The following LRRC17 variants were observed in gnomAD, a reference collection of about 807,000 sequenced individuals.
LRRC17 encodes leucine-rich repeat-containing protein 17.
A neutral mutation model predicts 41.5 loss-of-function variants in LRRC17; 33 were observed. That is an observed-to-expected ratio of 0.80 (90% CI 0.60 to 1.06). The LOEUF is 1.06. Among genes scored for constraint, LRRC17 ranks in the 50% least tolerant of loss-of-function variants. The probability of loss-of-function intolerance (pLI) is 0.00; values close to 1 mark genes in which losing one functional copy is unlikely to be tolerated. For synonymous variants in LRRC17, 192 were observed against 197.0 expected (o/e 0.97, Z 0.21); for missense variants, 491 against 519.3 (o/e 0.95, Z 0.53).
Position 102,934,512 on chromosome 7 carries a change from A to G in LRRC17, c.599A>G (p.Asn200Ser), listed in dbSNP as rs764309009. The change falls in exon 2 of 4, where the codon AAT becomes AGT. Residue 200 changes from asparagine (N) to serine (S), a missense_variant. Asn to Ser is a conservative substitution (Grantham distance 46). Coordinates refer to ENST00000339431, the MANE Select transcript of LRRC17 (RefSeq NM_001031692.3). ...TGTGAAAGTCCACAAGAACAAAAAA[A>G]TAAAAAACTGCGGCAGATAAAATCT... ...AKCESPQEQK[N>S]KKLRQIKSEQ... is the part of the protein sequence containing the mutation. 1.6e-5 allele frequency: 26 copies of G among 1,612,598 alleles called. No homozygotes were observed. Among genetic ancestry groups the G allele is most frequent in the Non-Finnish European group, 2.1e-5 (25 of 1,179,774 alleles).
rs762442584 is a variant in LRRC17, at chr7:102,942,312, A to G, written c.929-1898A>G. On this transcript the variant is annotated intron_variant, in intron 3 of 3. Coordinates refer to ENST00000339431, the MANE Select transcript of LRRC17 (RefSeq NM_001031692.3). ...CAGGGTCTTTGAGATGAAACCCTGCAAGTAGACTTACGTGAATGATTTTTG... is the reference window on the plus strand; with the variant it reads ...CAGGGTCTTTGAGATGAAACCCTGCGAGTAGACTTACGTGAATGATTTTTG... 6.3e-6 allele frequency: 10 copies of G among 1,598,084 alleles called. No homozygotes were observed. In the East Asian group the frequency reaches 2.3e-4, roughly 37 times the overall value.
rs754430548 is a variant in LRRC17, at chr7:102,944,806, G to A, written c.*199G>A. The A allele has an allele frequency of 1.4e-5, 7 of 511,856 alleles. No homozygotes were observed. The highest frequency in any genetic ancestry group is 2.0e-5 in the African/African-American group (1 of 50,970). 31.7% of individuals were successfully genotyped at this position (511,856 alleles called of 1,614,324 possible). Reference sequence around the variant, plus strand: ...TCATCCTGCTTGCCTGTCCATTTGTGGAACAGCATCTGGTGATATGCAATT... The same window carrying A: ...TCATCCTGCTTGCCTGTCCATTTGTAGAACAGCATCTGGTGATATGCAATT... On this transcript the variant is annotated 3_prime_UTR_variant, in exon 4 of 4. Coordinates refer to ENST00000339431, the MANE Select transcript of LRRC17 (RefSeq NM_001031692.3).
chr7:102,928,361 C>G (rs1376592982), intron 1 of LRRC17, among the ~76,000 whole-genome samples: 1 of 152,210 alleles, frequency 6.6e-6, no homozygotes, highest in African/African-American at 2.4e-5. Flanking sequence ...AATTTGTCCA[C>G]AATGTACTCA....
chr7:102,924,130 T>C (rs537713265), intron 1 of LRRC17, among the ~76,000 whole-genome samples: 2 of 148,360 alleles, frequency 1.3e-5, no homozygotes, highest in Non-Finnish European at 3.0e-5. Flanking sequence ...CCCAGCTACT[T>C]GGGAGGCTGA....
intron 3 of LRRC17, among the ~76,000 whole-genome samples, chr7:102,939,878 A>G (rs1222696462): frequency 6.6e-6 from 1 of 152,000 alleles, no homozygotes. Context: ...GGTCAATAGT[A>G]TACTAAAATG....
chr7:102,944,567 C>G lies in LRRC17; in HGVS notation c.1286C>G (p.Thr429Ser). ...TGGGAAAAAAAACATAGAGATCACA[C>G]CGCAAAGAAGCAAAGCGTAATAATT... is the stretch of plus-strand genomic sequence containing the variant. ...DEWEKKHRDH[T>S]AKKQSVIITI... The change falls in exon 4 of 4, where the codon ACC becomes AGC. Residue 429 changes from threonine (T) to serine (S), a missense_variant. Coordinates refer to ENST00000339431, the MANE Select transcript of LRRC17 (RefSeq NM_001031692.3). 1.2e-6 allele frequency: 2 copies of G among 1,611,378 alleles called. No homozygotes were observed. Among genetic ancestry groups the G allele is most frequent in the Non-Finnish European group, 1.7e-6 (2 of 1,179,342 alleles).
At chr7:102,942,116 T>C (rs1456559668) in intron 3 of LRRC17, among the ~76,000 whole-genome samples, 1 of 152,208 alleles carries the variant, frequency 6.6e-6, no homozygotes, top group Non-Finnish European at 1.5e-5. Flanking sequence ...TTTCCCCCTT[T>C]GTTCAATTCA....
chr7:102,944,943 A>T lies in LRRC17; in HGVS notation c.*336A>T, dbSNP rs1273194944. 1 of 188,864 alleles carries T rather than the reference A, an allele frequency of 5.3e-6. No homozygotes were observed. The highest frequency in any genetic ancestry group is 1.1e-5 in the Non-Finnish European group (1 of 93,516). The allele number at this position is 188,864 out of a possible 1,614,324, so 11.7% of individuals were successfully genotyped here. ...AAAATAAAGAAAAAAAACTTGGTTC[A>T]TGTTTACATGCCTTTCGATAGCTGT... On this transcript the variant is annotated 3_prime_UTR_variant, in exon 4 of 4. Transcript: ENST00000339431.
rs778348753 is a variant in LRRC17 at position 102,935,343 on chromosome 7, C to T, written c.772+658C>T. ...CTTGGCTCACTGCAACCTCCACCTC[C>T]CGGGTTCGAGCACTTCTCCTGCCTC... On this transcript the variant is annotated intron_variant, in intron 2 of 3. Coordinates refer to ENST00000339431, the MANE Select transcript of LRRC17 (RefSeq NM_001031692.3). 2.0e-5 allele frequency among the ~76,000 whole-genome samples: 3 copies of T among 148,988 alleles called. No individual in the cohort carries two copies. In the East Asian group the frequency reaches 6.1e-4, roughly 30 times the overall value.
intron 3 of LRRC17, chr7:102,942,138 G>A (rs539774637): frequency 4.0e-5 from 21 of 522,922 alleles, no homozygotes; most frequent in South Asian, 3.5e-4. Flanking sequence ...TCTCAGGAAC[G>A]TATTTCCTAC....
rs1819756218 is a variant in LRRC17 at position 102,934,041 on chromosome 7, A to G, written c.128A>G (p.Asn43Ser). The G allele has an allele frequency of 6.2e-7, 1 of 1,613,948 alleles. No homozygotes were observed. The highest frequency in any genetic ancestry group is 8.5e-7 in the Non-Finnish European group (1 of 1,179,944). The change falls in exon 2 of 4, where the codon AAC (asparagine) becomes AGC (serine). Residue 43 changes from asparagine (N) to serine (S), a missense_variant. Asn to Ser is a conservative substitution (Grantham distance 46). Coordinates refer to ENST00000339431, the MANE Select transcript of LRRC17 (RefSeq NM_001031692.3). ...GCGGGTGGAGGCCGGAGAGGCTCCA[A>G]CCCGGTCAAACGCTACGCACCAGGC... ...GRAGGGRRGS[N>S]PVKRYAPGLP...
At chr7:102,925,225 C>T (rs959377617) in intron 1 of LRRC17, among the ~76,000 whole-genome samples, 5 of 152,024 alleles carry the variant, frequency 3.3e-5, no homozygotes, top group Admixed American at 2.0e-4. Flanking sequence ...GAAACCCCAT[C>T]TCTACAGAAA....
intron 2 of LRRC17, among the ~76,000 whole-genome samples, chr7:102,937,162 G>A (rs901980520): frequency 4.3e-4 from 66 of 152,220 alleles, no homozygotes; most frequent in African/African-American, 1.5e-3. Context: ...GTTCCTCCAA[G>A]TGTTAATGAC....
chr7:102,923,136 T>C (rs2129471215), intron 1 of LRRC17, among the ~76,000 whole-genome samples: 2 of 152,302 alleles, frequency 1.3e-5, no homozygotes, highest in South Asian at 4.1e-4. Context: ...ATGCCTTCTT[T>C]CCTAAATCAA....
intron 1 of LRRC17, 170 bp downstream of exon 1, chr7:102,913,315 T>C (rs933962066): frequency 6.9e-7 from 1 of 1,438,886 alleles, no homozygotes; most frequent in Non-Finnish European, 9.5e-7. Context: ...ATTCAACTCT[T>C]CTTCTTGCAG....
chr7:102,933,937 C>T lies in LRRC17; in HGVS notation c.24C>T (p.Ile8=). The change falls in exon 2 of 4, where the codon ATC becomes ATT. Residue 8 remains isoleucine (I), a synonymous_variant. Transcript: ENST00000339431. Reference sequence around the variant, plus strand: ...GGATGCGTGTGGTTACCATTGTAATCTTGCTCTGCTTTTGCAAAGCGGCTG... The same window carrying T: ...GGATGCGTGTGGTTACCATTGTAATTTTGCTCTGCTTTTGCAAAGCGGCTG... MRVVTIV[I]LLCFCKAAEL... 6.2e-7 allele frequency: 1 copy of T among 1,611,022 alleles called. No individual in the cohort carries two copies. The highest frequency in any genetic ancestry group is 1.3e-5 in the African/African-American group (1 of 74,998).
chr7:102,928,870 GGAGAAAGAGTGCAACCAGAGAAA>G (rs1392608850), intron 1 of LRRC17, among the ~76,000 whole-genome samples: 3 of 152,174 alleles, frequency 2.0e-5, no homozygotes, highest in Non-Finnish European at 4.4e-5. Flanking sequence ...CTTTGCTAGT[GGAGAAAGAGTGCAACCAGAGAAA>G]GCAGAACATT....
Position 102,934,321 on chromosome 7 carries a change from G to A in LRRC17, c.408G>A (p.Leu136=), listed in dbSNP as rs757212189. 1.9e-6 allele frequency: 3 copies of A among 1,614,072 alleles called. No homozygotes were observed. Among genetic ancestry groups the A allele is most frequent in the Non-Finnish European group, 1.7e-6 (2 of 1,179,994 alleles). Residue 136 remains leucine (L), a synonymous_variant, in exon 2 of 4, where the codon CTG becomes CTA. Coordinates refer to ENST00000339431, the MANE Select transcript of LRRC17 (RefSeq NM_001031692.3). The part of the protein sequence containing the change: ...FGLNKLTTLL[L]QHNQIKVLTE... Reference sequence around the variant, plus strand: ...TAAACAAACTCACCACCCTCTTACTGCAGCACAACCAGATCAAAGTCTTGA... The same window carrying A: ...TAAACAAACTCACCACCCTCTTACTACAGCACAACCAGATCAAAGTCTTGA...
intron 2 of LRRC17, among the ~76,000 whole-genome samples, chr7:102,937,104 C>T (rs936480444): frequency 2.0e-5 from 3 of 152,126 alleles, no homozygotes; most frequent in African/African-American, 4.8e-5. Context: ...GGTTTCATGA[C>T]ATACACACTT....
Sources: gnomAD v4.1 joint callset for allele counts (sites outside exome capture counted in the v4.1 genomes callset) on GRCh38, gnomAD v4.1.1 for gene constraint, MANE v1.5 for transcripts, NCBI Gene and HGNC (gene_info 2026-07-23, HGNC 2026-07-21) for gene names.